DPH6: variants seen among roughly 807,000 people sequenced by gnomAD.
DPH6 encodes diphthine--ammonia ligase.
Under a neutral mutation model 38.2 loss-of-function variants are expected in DPH6, and 33 were observed. The ratio of observed to expected loss-of-function variants is 0.86; its 90% CI spans 0.65 to 1.15. The LOEUF (loss-of-function observed/expected upper bound fraction) is 1.15, where lower values mean the gene tolerates loss of function less well. Ranked by LOEUF, DPH6 falls within the 50% of genes most tolerant of loss-of-function variation. The pLI is 0.00. For missense variants in DPH6, 325 were observed against 320.0 expected, an observed-to-expected ratio of 1.02 and a Z score of -0.12; for synonymous variants, 108 against 103.0, an observed-to-expected ratio of 1.05 and a Z score of -0.30.
At chr15:35,299,796 C>T (rs1315175644) in intron 3 of DPH6, among the ~76,000 whole-genome samples, 4 of 152,194 alleles carry the variant, frequency 2.6e-5, no homozygotes, top group Non-Finnish European at 4.4e-5. Flanking sequence ...TAGTATTTAG[C>T]AGAATCTGAA....
At chr15:35,295,978 C>T (rs933110282) in intron 3 of DPH6, among the ~76,000 whole-genome samples, 1 of 151,014 alleles carries the variant, frequency 6.6e-6, no homozygotes, top group Admixed American at 6.6e-5. Context: ...TAAAGCACTC[C>T]AGGCAGGCTG....
intron 3 of DPH6, among the ~76,000 whole-genome samples, chr15:35,305,751 T>A (rs1010975146): frequency 6.6e-6 from 1 of 152,166 alleles, no homozygotes; most frequent in Non-Finnish European, 1.5e-5. Flanking sequence ...TTTGTTTTTT[T>A]ATAGCCATCA....
chr15:35,167,782 C>T, the DPH6 span, among the ~76,000 whole-genome samples: 6 of 152,006 alleles, frequency 3.9e-5, no homozygotes, highest in Non-Finnish European at 8.8e-5. Context: ...TCAACTTTCT[C>T]GTCCTTTCTC....
the DPH6 span, among the ~76,000 whole-genome samples, chr15:35,172,583 T>G: frequency 6.6e-6 from 1 of 152,236 alleles, no homozygotes; most frequent in Non-Finnish European, 1.5e-5. Context: ...TTGTGGTAAC[T>G]TAGTCTGTGG....
At chr15:35,537,793 T>C (rs2055192408) in intron 3 of DPH6, among the ~76,000 whole-genome samples, 1 of 152,116 alleles carries the variant, frequency 6.6e-6, no homozygotes, top group East Asian at 1.9e-4. Flanking sequence ...TTCTGCTTCA[T>C]TTTTCCTCAT....
chr15:35,398,264 T>C (rs963952441), intron 6 of DPH6, among the ~76,000 whole-genome samples: 1 of 152,108 alleles, frequency 6.6e-6, no homozygotes, highest in Non-Finnish European at 1.5e-5. Flanking sequence ...TCTAATGAGG[T>C]GACCCTTGGT....
At chr15:35,306,711 C>T (rs2052094896) in intron 3 of DPH6, among the ~76,000 whole-genome samples, 1 of 152,204 alleles carries the variant, frequency 6.6e-6, no homozygotes, top group Non-Finnish European at 1.5e-5. Context: ...CAAACTTTTG[C>T]TTTCATTCTT....
At chr15:35,468,080 T>C (rs187329022) in intron 3 of DPH6, among the ~76,000 whole-genome samples, 43 of 152,332 alleles carry the variant, frequency 2.8e-4, no homozygotes, top group South Asian at 4.1e-4. Flanking sequence ...AAATATTTCA[T>C]TGGATACAAG....
intron 5 of DPH6, among the ~76,000 whole-genome samples, chr15:35,411,880 T>C (rs1309024538): frequency 6.6e-6 from 1 of 151,504 alleles, no homozygotes; most frequent in Non-Finnish European, 1.5e-5. Context: ...ATTGTAGACA[T>C]AAAGGCAAAA....
At chr15:35,450,642 C>T (rs1212646608) in intron 5 of DPH6, 43 bp downstream of exon 5, 1 of 1,465,446 alleles carries the variant, frequency 6.8e-7, no homozygotes, top group Non-Finnish European at 9.5e-7. Flanking sequence ...CTGAGATCAT[C>T]TATGTGGCAA....
chr15:35,396,359 G>A (rs549160660), intron 6 of DPH6: 43 of 152,250 alleles, frequency 2.8e-4, no homozygotes, highest in African/African-American at 1.0e-3. Flanking sequence ...AACAGAAAGG[G>A]AAGCAGTTAG....
chr15:35,182,853 C>T, the DPH6 span, among the ~76,000 whole-genome samples: 1 of 152,104 alleles, frequency 6.6e-6, no homozygotes, highest in Admixed American at 6.5e-5. Context: ...TTTTTAGAGG[C>T]TGCATATCAC....
chr15:35,146,069 CTGTGTGTGTGTGTGTGTGTG>C, the DPH6 span, among the ~76,000 whole-genome samples: 5 of 147,096 alleles, frequency 3.4e-5, no homozygotes, highest in Non-Finnish European at 6.0e-5. Flanking sequence ...CTTATAGTTT[CTGTGTGTGTGTGTGTGTGTG>C]TGTGTGTGTG....
At chr15:35,452,849 G>T (rs942806740) in intron 4 of DPH6, among the ~76,000 whole-genome samples, 2 of 152,164 alleles carry the variant, frequency 1.3e-5, no homozygotes, top group African/African-American at 2.4e-5. Flanking sequence ...ATTTTGAACT[G>T]TTAAAGAACT....
chr15:35,305,982 T>A (rs774729747), intron 3 of DPH6, among the ~76,000 whole-genome samples: 24 of 152,182 alleles, frequency 1.6e-4, no homozygotes, highest in Non-Finnish European at 3.2e-4. Context: ...AAACTGCTCA[T>A]CTTTTGTTCT....
chr15:35,307,743 T>C (rs972590816), intron 3 of DPH6, among the ~76,000 whole-genome samples: 14 of 152,282 alleles, frequency 9.2e-5, no homozygotes, highest in Admixed American at 4.6e-4. Flanking sequence ...TATACATATA[T>C]GCATATCTTA....
intron 3 of DPH6, among the ~76,000 whole-genome samples, chr15:35,354,258 T>TG (rs878962378): frequency 1.3e-5 from 2 of 152,164 alleles, no homozygotes; most frequent in Admixed American, 6.5e-5. Flanking sequence ...TTTTCCTAAT[T>TG]GGATACCCTT....
At chr15:35,369,922 C>T (rs373404114), downstream of DPH6, among the ~76,000 whole-genome samples, 33 of 151,612 alleles carry the variant, frequency 2.2e-4, 4 homozygotes, top group East Asian at 1.2e-3. Flanking sequence ...CAATACAATA[C>T]GGAAGAAGAA....
At chr15:35,385,952 C>G (rs1044723062) in intron 6 of DPH6, among the ~76,000 whole-genome samples, 4 of 151,772 alleles carry the variant, frequency 2.6e-5, no homozygotes, top group Non-Finnish European at 5.9e-5. Context: ...CCCATTAACT[C>G]TTCATTTAGC....
Sources: allele counts gnomAD v4.1 joint callset (sites outside exome capture counted in the v4.1 genomes callset), GRCh38; gene constraint gnomAD v4.1.1; transcripts MANE v1.5; gene names NCBI Gene and HGNC (gene_info 2026-07-23, HGNC 2026-07-21).